The following NCF1 variants were observed in gnomAD, a reference collection of about 807,000 sequenced individuals.
NCF1 encodes the protein neutrophil cytosolic factor 1, also known as neutrophil cytosol factor 1.
A neutral mutation model predicts 34.9 loss-of-function variants in NCF1; 8 were observed. The ratio of observed to expected loss-of-function variants is 0.23; its 90% CI spans 0.13 to 0.41. The LOEUF (loss-of-function observed/expected upper bound fraction) is 0.41. Among genes scored for constraint, NCF1 ranks in the 10% least tolerant of loss-of-function variants. The pLI is 1.00. For synonymous variants in NCF1, 57 were observed against 146.3 expected, an observed-to-expected ratio of 0.39 and a Z score of 4.41; for missense variants, 122 against 362.4, an observed-to-expected ratio of 0.34 and a Z score of 5.39.
At chr7:74,781,873 G>A (rs1480625440) in intron 5 of NCF1, among the ~76,000 whole-genome samples, 2 of 146,488 alleles carry the variant, frequency 1.4e-5, no homozygotes, top group Non-Finnish European at 3.0e-5. Flanking sequence ...GTTGGGTTAG[G>A]GCCCACTCTA....
intron 2 of NCF1, chr7:74,777,722 C>T: frequency 4.0e-6 from 1 of 252,250 alleles, no homozygotes; most frequent in Non-Finnish European, 7.9e-6. Flanking sequence ...CCATGTGTGG[C>T]TAATTTTTGT....
At position 74,783,006 on chromosome 7, in the gene NCF1, C is replaced by T. The variant is rs374263357; in HGVS notation, c.519C>T (p.Ser173=). Residue 173 remains serine (S), a synonymous_variant, in exon 6 of 11, where the codon TCC becomes TCT. Coordinates refer to ENST00000289473, the MANE Select transcript of NCF1 (RefSeq NM_000265.7). ...AIANYEKTSG[S]EMALSTGDVV... is the part of the protein sequence containing the mutation. Reference sequence around the variant, plus strand: ...CCAACTACGAGAAGACCTCGGGCTCCGAGATGGCTCTGTCCACGGGGGACG... The same window carrying T: ...CCAACTACGAGAAGACCTCGGGCTCTGAGATGGCTCTGTCCACGGGGGACG... 1.9e-5 allele frequency: 31 copies of T among 1,611,304 alleles called. No individual in the cohort carries two copies. The African/African-American group carries it at 2.4e-4, about 13-fold the overall frequency.
intron 6 of NCF1, 168 bp from the exon 7 acceptor site, chr7:74,783,357 T>TGTGC (rs1796612280): frequency 1.2e-6 from 1 of 801,142 alleles, no homozygotes; most frequent in African/African-American, 1.7e-5. Flanking sequence ...TGTGAGCATG[T>TGTGC]GTGCATGCAT....
At chr7:74,782,897 G>T in intron 5 of NCF1, 42 bp from the exon 6 acceptor site, 2 of 1,572,282 alleles carry the variant, frequency 1.3e-6, no homozygotes. Flanking sequence ...GCCCAGATGG[G>T]CCCTGCAATG....
chr7:74,787,443 G>A (rs587735115), intron 8 of NCF1, among the ~76,000 whole-genome samples: 1 of 152,230 alleles, frequency 6.6e-6, no homozygotes, highest in South Asian at 2.1e-4. Context: ...TCTGTCTTGG[G>A]GTTGGGCGGG....
intron 8 of NCF1, among the ~76,000 whole-genome samples, chr7:74,787,136 C>T (rs1311149188): frequency 6.6e-6 from 1 of 151,194 alleles, no homozygotes; most frequent in Non-Finnish European, 1.5e-5. Flanking sequence ...AGAGTAAAAC[C>T]TGAAACTAAA....
chr7:74,781,268 A>G (rs1796562569), intron 5 of NCF1, among the ~76,000 whole-genome samples: 1 of 63,440 alleles, frequency 1.6e-5, no homozygotes. Context: ...AAAAAAAAGA[A>G]GAATTGGGTC....
At chr7:74,788,521 C>T (rs1554414859) in intron 9 of NCF1, 38 bp from the exon 10 acceptor site, 12 of 1,531,882 alleles carry the variant, frequency 7.8e-6, no homozygotes, top group Non-Finnish European at 1.0e-5. Flanking sequence ...GGCAGGGGCG[C>T]CCTCGGGCTT....
In NCF1 at chr7:74,788,801, C is replaced by T. The variant is rs1303418227; in HGVS notation, c.1051+97C>T. 4.2e-5 allele frequency: 58 copies of T among 1,387,928 alleles called. 1 individual carries two copies. The highest frequency in any genetic ancestry group is 5.6e-5 in the Non-Finnish European group (57 of 1,018,130). 86.0% of individuals were successfully genotyped at this position (1,387,928 alleles called of 1,614,324 possible). On this transcript the variant is annotated intron_variant, in intron 10 of 10. Transcript: ENST00000289473. ...GTAGGGCCAGAGTAGCGGGGCGGGACCAGAGGGCGGAATCAGAGGGAGAGG... is the reference window on the plus strand; with the variant it reads ...GTAGGGCCAGAGTAGCGGGGCGGGATCAGAGGGCGGAATCAGAGGGAGAGG...
At position 74,783,838 on chromosome 7, in the gene NCF1, C is replaced by A. The variant is rs587742807; in HGVS notation, c.682+206C>A. On this transcript the variant is annotated intron_variant, in intron 7 of 10. Coordinates refer to ENST00000289473, the MANE Select transcript of NCF1 (RefSeq NM_000265.7). ...GGGAACCAGGAGGAGGAGCAGACGA[C>A]TGGGGAGAGTGGGAGGCCAGTGGTG... 1.4e-4 allele frequency among the ~76,000 whole-genome samples: 22 copies of A among 152,200 alleles called. No homozygotes were observed. The East Asian group carries it at 4.1e-3, about 28-fold the overall frequency.
Position 74,777,187 on chromosome 7 carries a change from T to G in NCF1, c.73-80T>G, listed in dbSNP as rs1297945954. On this transcript the variant is annotated intron_variant, in intron 1 of 10. Transcript: ENST00000289473. ...CCCCAATCCTCTGGGCTTCCTCCAG[T>G]GGGTAGTGGGATCCTGGGTGCACAC... 3 of 1,003,426 alleles carry G rather than the reference T, an allele frequency of 3.0e-6. No homozygotes were observed. In the African/African-American group the frequency reaches 4.8e-5, roughly 16 times the overall value. The allele number at this position is 1,003,426 out of a possible 1,614,324, so 62.2% of individuals were successfully genotyped here.
chr7:74,783,809 G>A (rs1264827167), intron 7 of NCF1, among the ~76,000 whole-genome samples, 177 bp downstream of exon 7: 9 of 152,220 alleles, frequency 5.9e-5, no homozygotes, highest in African/African-American at 2.2e-4. Flanking sequence ...CCTTGGTCTG[G>A]ACAGGGAACC....
chr7:74,787,091 A>G (rs1796688199), intron 8 of NCF1, among the ~76,000 whole-genome samples: 1 of 150,740 alleles, frequency 6.6e-6, no homozygotes, highest in East Asian at 1.9e-4. Context: ...CACTGTACAC[A>G]TATGTTTACT....
intron 9 of NCF1, 93 bp from the exon 10 acceptor site, chr7:74,788,466 G>GC (rs1554414840): frequency 1.6e-6 from 2 of 1,213,098 alleles, no homozygotes; most frequent in Non-Finnish European, 2.2e-6. Context: ...GCCCCCTACT[G>GC]CCCCCCACTT....
intron 1 of NCF1, among the ~76,000 whole-genome samples, chr7:74,775,987 CCCAGGCT>C (rs1554412971): frequency 1.7e-5 from 2 of 115,246 alleles, no homozygotes; most frequent in Non-Finnish European, 3.6e-5. Flanking sequence ...TACTCTGTCA[CCCAGGCT>C]GGAGTGCAAT....
At chr7:74,784,153 C>G (rs1796631876) in intron 7 of NCF1, among the ~76,000 whole-genome samples, 1 of 150,052 alleles carries the variant, frequency 6.7e-6, no homozygotes, top group Admixed American at 6.7e-5. Flanking sequence ...ACCTCTGCCT[C>G]CCAGGATCAA....
intron 10 of NCF1, 70 bp downstream of exon 10, chr7:74,788,774 A>T: frequency 2.0e-6 from 3 of 1,501,390 alleles, no homozygotes; most frequent in Non-Finnish European, 1.8e-6. Context: ...GCGGGGCCAG[A>T]GGTAGGGCCA....
intron 1 of NCF1, among the ~76,000 whole-genome samples, chr7:74,775,692 C>T (rs1479295992): frequency 1.7e-5 from 1 of 60,110 alleles, no homozygotes; most frequent in Non-Finnish European, 3.1e-5. Flanking sequence ...GGATCAATGT[C>T]ATAGCCTTTA....
intron 1 of NCF1, 55 bp from the exon 2 acceptor site, chr7:74,777,212 C>T (rs1584368963): frequency 6.9e-7 from 1 of 1,442,654 alleles, no homozygotes; most frequent in East Asian, 2.3e-5. Flanking sequence ...TGGGTGCACA[C>T]AGCAAAGCCT....
Sources: gnomAD v4.1 joint callset for allele counts (sites outside exome capture counted in the v4.1 genomes callset) on GRCh38, gnomAD v4.1.1 for gene constraint, MANE v1.5 for transcripts, NCBI Gene and HGNC (gene_info 2026-07-23, HGNC 2026-07-21) for gene names.